FCRL2: variants seen among roughly 807,000 people sequenced by gnomAD.
FCRL2 encodes Fc receptor-like protein 2.
A neutral mutation model predicts 59.8 loss-of-function variants in FCRL2; 48 were observed. The ratio of observed to expected loss-of-function variants is 0.80; its 90% CI spans 0.64 to 1.02. The LOEUF is 1.02. Among genes scored for constraint, FCRL2 ranks in the 50% least tolerant of loss-of-function variants. The pLI is 0.00. For missense variants in FCRL2, 658 were observed against 597.3 expected, an observed-to-expected ratio of 1.10 and a Z score of -1.06; for synonymous variants, 251 against 229.5, an observed-to-expected ratio of 1.09 and a Z score of -0.85.
chr1:157,752,708 A>T (rs775403525), intron 7 of FCRL2, among the ~76,000 whole-genome samples: 1 of 152,224 alleles, frequency 6.6e-6, no homozygotes, highest in Non-Finnish European at 1.5e-5. Flanking sequence ...ATATCTCAGG[A>T]GTAAACTTAG....
Position 157,746,174 on chromosome 1 carries a change from G to A in FCRL2, c.*562C>T, listed in dbSNP as rs1647729036. 6.5e-6 allele frequency: 1 copy of A among 153,338 alleles called. No individual in the cohort carries two copies. 9.5% of individuals were successfully genotyped at this position (153,338 alleles called of 1,614,324 possible). A position where few individuals can be genotyped will look rare whatever the true frequency, so the allele number is the denominator to read the frequency against. On this transcript the variant is annotated 3_prime_UTR_variant, in exon 12 of 12. Transcript: ENST00000361516. The stretch of plus-strand genomic sequence containing the variant: ...CTACAAGATGCAGAAAGAATAACTG[G>A]TACCAATCCTGCTGAAACTATGCCA...
Position 157,770,103 on chromosome 1 carries a change from C to T in FCRL2, c.358G>A (p.Glu120Lys), listed in dbSNP as rs750863115. 7 of 1,614,044 alleles carry T rather than the reference C, an allele frequency of 4.3e-6. No individual in the cohort carries two copies. The highest frequency in any genetic ancestry group is 3.3e-5 in the Admixed American group (2 of 60,012). ...CATTTCAGGCTCACTGGACCCCCTT[C>T]GATGGGCTGGAAGGAGCTGGCAGTC... ...VLTASSFQPI[E>K]GGPVSLKCET... Residue 120 changes from glutamate (E) to lysine (K), a missense_variant, in exon 4 of 12, where the codon GAA (glutamate) becomes AAA (lysine). Glu to Lys is a moderately conservative substitution (Grantham distance 56, BLOSUM62 1). Transcript: ENST00000361516.
At position 157,767,479 on chromosome 1, in the gene FCRL2, C is replaced by A. The variant is rs1383262471; in HGVS notation, c.914G>T (p.Arg305Met). The part of the protein sequence containing the change: ...IPVSRPVLTL[R>M]SPGAQAAVGD... Reference sequence around the variant, plus strand: ...CACTGCAGCCTGGGCCCCAGGAGACCTGAGGGTGAGGACAGGGCGAGACAC... The same window carrying A: ...CACTGCAGCCTGGGCCCCAGGAGACATGAGGGTGAGGACAGGGCGAGACAC... The change falls in exon 6 of 12, where the codon AGG becomes ATG. Residue 305 changes from arginine to methionine, a missense_variant. Arg to Met is a moderately conservative substitution (Grantham distance 91, BLOSUM62 -1). Transcript: ENST00000361516. The A allele has an allele frequency of 6.2e-7, 1 of 1,614,218 alleles. No homozygotes were observed. Among genetic ancestry groups the A allele is most frequent in the Non-Finnish European group, 8.5e-7 (1 of 1,180,044 alleles).
Position 157,745,778 on chromosome 1 carries a change from CAT to C in FCRL2, c.*956_*957del. The C allele has an allele frequency of 6.6e-6, 1 of 152,236 alleles. No individual in the cohort carries two copies. The highest frequency in any genetic ancestry group is 1.9e-4 in the East Asian group (1 of 5,170). The allele number at this position is 152,236 out of a possible 1,614,324, so 9.4% of individuals were successfully genotyped here. On this transcript the variant is annotated 3_prime_UTR_variant, in exon 12 of 12. Transcript: ENST00000361516. ...TTCTATATACTTACAAAAGTAATAT[CAT>C]AGTTTATTGCAAATACTCATATTTA...
intron 9 of FCRL2, 116 bp downstream of exon 9, chr1:157,748,759 G>T (rs1256673549): frequency 2.6e-6 from 3 of 1,163,148 alleles, no homozygotes; most frequent in South Asian, 2.6e-5. Flanking sequence ...TATTTATTGG[G>T]AATGGCTGGG....
intron 9 of FCRL2, 67 bp from the exon 10 acceptor site, chr1:157,748,685 C>G: frequency 1.4e-6 from 2 of 1,382,994 alleles, no homozygotes; most frequent in Admixed American, 1.7e-5. Flanking sequence ...ACACAGCTTC[C>G]CAGGCCCTGG....
At chr1:157,766,701 C>T in intron 7 of FCRL2, 154 bp downstream of exon 7, 2 of 1,214,702 alleles carry the variant, frequency 1.6e-6, no homozygotes, top group Non-Finnish European at 2.3e-6. Flanking sequence ...CCACATTGAG[C>T]ATTGCACAGA....
At chr1:157,760,714 A>AGAAG (rs1648996089) in intron 7 of FCRL2, among the ~76,000 whole-genome samples, 1 of 145,686 alleles carries the variant, frequency 6.9e-6, no homozygotes, top group Admixed American at 6.9e-5. Flanking sequence ...AAAGAAAGAA[A>AGAAG]GAAAGAAAGA....
chr1:157,746,827 G>T (rs200184260), intron 11 of FCRL2, 44 bp downstream of exon 11: 309 of 1,613,862 alleles, frequency 1.9e-4, no homozygotes, highest in South Asian at 1.5e-3. Context: ...AATAAATAGG[G>T]AGAAGGAAGG....
chr1:157,750,359 G>T (rs928029901), intron 7 of FCRL2, among the ~76,000 whole-genome samples: 1 of 152,218 alleles, frequency 6.6e-6, no homozygotes, highest in Non-Finnish European at 1.5e-5. Context: ...CAGCTCAAAA[G>T]CTTCATGCTT....
chr1:157,762,961 G>A (rs926683030), intron 7 of FCRL2, among the ~76,000 whole-genome samples: 4 of 152,150 alleles, frequency 2.6e-5, no homozygotes, highest in African/African-American at 4.8e-5. Context: ...GCCTGAAAGC[G>A]AAAGGACAAT....
At chr1:157,750,124 T>C (rs1648073343) in intron 7 of FCRL2, among the ~76,000 whole-genome samples, 3 of 152,256 alleles carry the variant, frequency 2.0e-5, no homozygotes, top group Admixed American at 2.0e-4. Flanking sequence ...TCTTTAGGAA[T>C]GATCTTGGGG....
intron 7 of FCRL2, among the ~76,000 whole-genome samples, chr1:157,758,680 CAAAAAAAAAAAA>C (rs59716565): frequency 3.6e-5 from 2 of 55,402 alleles, no homozygotes; most frequent in Non-Finnish European, 6.7e-5. Flanking sequence ...CAGTCCCAAG[CAAAAAAAAAAAA>C]AAAAAAAAAA....
chr1:157,767,012 A>G, intron 6 of FCRL2, 41 bp from the exon 7 acceptor site: 1 of 1,541,158 alleles, frequency 6.5e-7, no homozygotes, highest in Non-Finnish European at 8.9e-7. Context: ...GAGGTTTAAG[A>G]CTTGGGCCCT....
At chr1:157,749,049 G>A (rs1441756029) in intron 8 of FCRL2, 89 bp from the exon 9 acceptor site, 10 of 1,104,998 alleles carry the variant, frequency 9.0e-6, no homozygotes, top group Non-Finnish European at 1.4e-5. Flanking sequence ...GCAGGTGGAA[G>A]CCCTGCAGCC....
chr1:157,765,685 A>G (rs1487233827), intron 7 of FCRL2, among the ~76,000 whole-genome samples: 1 of 152,220 alleles, frequency 6.6e-6, no homozygotes, highest in Non-Finnish European at 1.5e-5. Context: ...TAGCAGATTC[A>G]AACTCTTGGT....
intron 7 of FCRL2, among the ~76,000 whole-genome samples, chr1:157,763,348 C>A (rs1281644484): frequency 2.0e-5 from 3 of 151,924 alleles, no homozygotes; most frequent in African/African-American, 7.3e-5. Context: ...CATGGTGAAA[C>A]CCCATCTCTA....
chr1:157,753,423 G>A (rs1422115752), intron 7 of FCRL2, among the ~76,000 whole-genome samples: 1 of 152,114 alleles, frequency 6.6e-6, no homozygotes, highest in Non-Finnish European at 1.5e-5. Flanking sequence ...AAACACTTCA[G>A]TTACTTTTAC....
At chr1:157,776,333 G>A (rs376451352) in intron 1 of FCRL2, among the ~76,000 whole-genome samples, 12 of 152,216 alleles carry the variant, frequency 7.9e-5, no homozygotes, top group Admixed American at 3.9e-4. Context: ...ACAATGGTGC[G>A]ATCTTGGCTC....
Sources: gnomAD v4.1 joint callset for allele counts (sites outside exome capture counted in the v4.1 genomes callset) on GRCh38, gnomAD v4.1.1 for gene constraint, MANE v1.5 for transcripts, NCBI Gene and HGNC (gene_info 2026-07-23, HGNC 2026-07-21) for gene names.